Variants in TMEM232 observed in about 807,000 individuals in gnomAD.
The protein encoded by TMEM232 is transmembrane protein 232.
A neutral mutation model predicts 78.8 loss-of-function variants in TMEM232; 80 were observed. That is an observed-to-expected ratio of 1.01 (90% CI 0.85 to 1.22). The LOEUF (loss-of-function observed/expected upper bound fraction) is 1.22, where lower values mean the gene tolerates loss of function less well. TMEM232 is among the 50% of genes most tolerant of loss of function. TMEM232 has a pLI of 0.00. For missense variants in TMEM232, 881 were observed against 742.2 expected, an observed-to-expected ratio of 1.19 and a Z score of -2.17; for synonymous variants, 297 against 254.3, an observed-to-expected ratio of 1.17 and a Z score of -1.60.
chr5:110,427,618 G>A (rs1561481554), intron 12 of TMEM232, among the ~76,000 whole-genome samples: 1 of 151,658 alleles, frequency 6.6e-6, no homozygotes, highest in East Asian at 1.9e-4. Context: ...AGTTCTGGAG[G>A]AAAAAAAATT....
chr5:110,402,137 A>G (rs1755624012), intron 2 of TMEM232, among the ~76,000 whole-genome samples: 1 of 152,100 alleles, frequency 6.6e-6, no homozygotes, highest in Admixed American at 6.6e-5. Flanking sequence ...AGTATCCCAG[A>G]TGACTCATCC....
chr5:110,551,130 A>G (rs1561674135), intron 11 of TMEM232, among the ~76,000 whole-genome samples: 1 of 152,164 alleles, frequency 6.6e-6, no homozygotes, highest in Non-Finnish European at 1.5e-5. Context: ...AATCTAGAAT[A>G]TGAATAAGCC....
chr5:110,631,731 GCTGCATGACTGGGGCTGTAGGTGAAGA>G (rs774584844), intron 5 of TMEM232, among the ~76,000 whole-genome samples: 15 of 152,104 alleles, frequency 9.9e-5, no homozygotes, highest in Non-Finnish European at 1.9e-4. Flanking sequence ...GCAAGCTTGA[GCTGCATGACTGGGGCTGTAGGTGAAGA>G]CTGCATTGTA....
chr5:110,414,079 T>A (rs1756096571), intron 2 of TMEM232, among the ~76,000 whole-genome samples: 1 of 152,238 alleles, frequency 6.6e-6, no homozygotes, highest in South Asian at 2.1e-4. Flanking sequence ...TTTCACTTGC[T>A]ACTGATAGTT....
chr5:110,506,294 TG>T (rs1766892643), intron 12 of TMEM232, among the ~76,000 whole-genome samples: 1 of 152,216 alleles, frequency 6.6e-6, no homozygotes, highest in African/African-American at 2.4e-5. Context: ...TTGTTTGTTT[TG>T]GAGGCAAGTC....
At chr5:110,593,619 A>C (rs1327584727) in intron 10 of TMEM232, among the ~76,000 whole-genome samples, 1 of 152,132 alleles carries the variant, frequency 6.6e-6, no homozygotes, top group Non-Finnish European at 1.5e-5. Flanking sequence ...TAAAAATTAA[A>C]ACAATTGAAC....
intron 1 of TMEM232, among the ~76,000 whole-genome samples, chr5:110,687,062 T>C (rs1036477761): frequency 1.3e-5 from 2 of 152,136 alleles, no homozygotes; most frequent in Non-Finnish European, 1.5e-5. Context: ...CCATTATCTC[T>C]GTCCTAGATT....
intron 1 of TMEM232, among the ~76,000 whole-genome samples, chr5:110,691,452 G>A (rs1207297635): frequency 6.6e-6 from 1 of 152,182 alleles, no homozygotes; most frequent in African/African-American, 2.4e-5. Flanking sequence ...TCTTGTATTG[G>A]ATTTATGTTG....
chr5:110,404,687 G>GTA (rs1755722609), intron 2 of TMEM232, among the ~76,000 whole-genome samples: 1 of 152,018 alleles, frequency 6.6e-6, no homozygotes, highest in African/African-American at 2.4e-5. Flanking sequence ...AAATGGATAA[G>GTA]TAAACCTTAT....
At chr5:110,712,023 A>T (rs959198454) in intron 1 of TMEM232, among the ~76,000 whole-genome samples, 2 of 149,866 alleles carry the variant, frequency 1.3e-5, no homozygotes, top group South Asian at 4.3e-4. Context: ...AATGGCGTGA[A>T]CCCGGGAGGC....
In TMEM232 at chr5:110,397,402, T is replaced by C. The variant is rs151113149; in HGVS notation, n.390+371A>G. On this transcript the variant is annotated intron_variant and non_coding_transcript_variant, in intron 3 of 8. Transcript: ENST00000507188. ...CTGTATAAGAAATATCATCTCCCTA[T>C]GTAGGGAGCAAAGAGAAAGCATGTT... Among the ~76,000 whole-genome samples the C allele has an allele frequency of 2.0e-3, 310 of 152,272 alleles. 2 individuals are homozygous for C. Among genetic ancestry groups the C allele is most frequent in the African/African-American group, 7.0e-3 (293 of 41,572 alleles).
At chr5:110,584,216 C>A (rs962482486) in intron 10 of TMEM232, among the ~76,000 whole-genome samples, 1 of 151,754 alleles carries the variant, frequency 6.6e-6, no homozygotes, top group Non-Finnish European at 1.5e-5. Context: ...CATTGCAGCA[C>A]TGTTTATAAT....
chr5:110,690,982 G>A (rs1794050090), intron 1 of TMEM232, among the ~76,000 whole-genome samples: 1 of 151,954 alleles, frequency 6.6e-6, no homozygotes, highest in African/African-American at 2.4e-5. Flanking sequence ...TGGGGGTGTG[G>A]GGGTAGGGGA....
chr5:110,596,922 A>C (rs1380562698), intron 10 of TMEM232, among the ~76,000 whole-genome samples: 2 of 152,210 alleles, frequency 1.3e-5, no homozygotes, highest in Admixed American at 6.5e-5. Context: ...TGAATGGGCA[A>C]AAACTGGAAG....
At chr5:110,695,958 C>T (rs1382921442) in intron 1 of TMEM232, among the ~76,000 whole-genome samples, 2 of 152,126 alleles carry the variant, frequency 1.3e-5, no homozygotes, top group South Asian at 4.2e-4. Context: ...TTTTATGAGG[C>T]CAGCATCATC....
chr5:110,585,038 G>A (rs1053309840), intron 10 of TMEM232, among the ~76,000 whole-genome samples: 14 of 152,190 alleles, frequency 9.2e-5, no homozygotes, highest in Admixed American at 5.2e-4. Context: ...TTAGACCACT[G>A]GATCTGAATG....
chr5:110,646,909 A>T (rs998890141), intron 2 of TMEM232, among the ~76,000 whole-genome samples: 3 of 151,996 alleles, frequency 2.0e-5, no homozygotes, highest in Admixed American at 2.0e-4. Context: ...GACCACATAC[A>T]GATGGCCAAC....
chr5:110,451,858 A>G (rs545685050), intron 12 of TMEM232, among the ~76,000 whole-genome samples: 1 of 152,074 alleles, frequency 6.6e-6, no homozygotes, highest in Non-Finnish European at 1.5e-5. Flanking sequence ...TATTTTAAGT[A>G]TGATATCTTT....
chr5:110,500,245 C>T (rs1306874346), intron 12 of TMEM232, among the ~76,000 whole-genome samples: 3 of 143,562 alleles, frequency 2.1e-5, no homozygotes, highest in Non-Finnish European at 3.0e-5. Context: ...GCCGAGACTG[C>T]GCCACTGCAC....
Sources: allele counts gnomAD v4.1 joint callset (sites outside exome capture counted in the v4.1 genomes callset), GRCh38; gene constraint gnomAD v4.1.1; transcripts MANE v1.5; gene names NCBI Gene and HGNC (gene_info 2026-07-23, HGNC 2026-07-21).